Variants in FAM120A observed in about 807,000 individuals in gnomAD.
The protein encoded by FAM120A is family with sequence similarity 120 member A, also known as constitutive coactivator of PPAR-gamma-like protein 1.
In FAM120A, 15 loss-of-function variants were observed where a neutral mutation model predicts 109.7. The ratio of observed to expected loss-of-function variants is 0.14; its 90% CI spans 0.09 to 0.21. The LOEUF is 0.21. FAM120A is among the 10% of genes least tolerant of loss of function. FAM120A has a pLI of 1.00. For synonymous variants in FAM120A, 493 were observed against 572.8 expected (o/e 0.86, Z 1.99); for missense variants, 899 against 1,439.3 (o/e 0.62, Z 6.07).
chr9:93,473,276 G>A (rs1463499382), intron 2 of FAM120A, among the ~76,000 whole-genome samples: 2 of 151,748 alleles, frequency 1.3e-5, no homozygotes, highest in African/African-American at 4.8e-5. Context: ...CTCTGTCTTT[G>A]CTGGGATTAC....
Position 93,452,180 on chromosome 9 carries a change from A to C in FAM120A, c.265A>C (p.Asn89His), listed in dbSNP as rs1857266259. 1.2e-6 allele frequency: 2 copies of C among 1,611,490 alleles called. No individual in the cohort carries two copies. Among genetic ancestry groups the C allele is most frequent in the Non-Finnish European group, 1.7e-6 (2 of 1,179,718 alleles). The change falls in exon 1 of 18, where the codon AAC becomes CAC. Residue 89 changes from asparagine to histidine, a missense_variant. Asn to His is a moderately conservative substitution (Grantham distance 68). Transcript: ENST00000277165. This position sits in a 1 kb window ranked among gnomAD's most constrained non-coding sequence, Gnocchi z 7.0. ...AALAKACFGG[N>H]IELFVFFNGA... ...GCTGGCCAAGGCCTGCTTCGGCGGC[A>C]ACATCGAGCTCTTCGTCTTCTTCAA...
Position 93,545,780 on chromosome 9 carries a change from CTTTTTTT to C in FAM120A, c.2159+2329_2159+2335del, listed in dbSNP as rs774150537. 8.0e-3 allele frequency among the ~76,000 whole-genome samples: 521 copies of C among 65,500 alleles called. 6 individuals carry two copies. The highest frequency in any genetic ancestry group is 0.025 in the African/African-American group (396 of 16,090). The allele number at this position is 65,500 out of a possible 152,430, so 43.0% of individuals were successfully genotyped here. Reference sequence around the variant, plus strand: ...GAAGACTGGCTGATGGGAAAGACTCCTTTTTTTTTTTTTTTTTTTTTTTTTTGAGACG... The same window carrying C: ...GAAGACTGGCTGATGGGAAAGACTCCTTTTTTTTTTTTTTTTTTTGAGACG... On this transcript the variant is annotated intron_variant, in intron 11 of 17. Transcript: ENST00000277165.
chr9:93,469,373 A>AG (rs1449150480), intron 1 of FAM120A, among the ~76,000 whole-genome samples: 2 of 152,212 alleles, frequency 1.3e-5, no homozygotes, highest in African/African-American at 4.8e-5. Context: ...GGAGGAGTGA[A>AG]GGAGGGTGAG....
chr9:93,501,860 CAT>C (rs1399219656), intron 5 of FAM120A, among the ~76,000 whole-genome samples: 1 of 152,090 alleles, frequency 6.6e-6, no homozygotes, highest in African/African-American at 2.4e-5. Context: ...TCTGAAGAAA[CAT>C]AAATTACATT....
intron 5 of FAM120A, among the ~76,000 whole-genome samples, chr9:93,513,323 C>T (rs936809278): frequency 5.3e-5 from 8 of 152,128 alleles, no homozygotes; most frequent in Non-Finnish European, 8.8e-5. Flanking sequence ...CGTGTGTGTG[C>T]GCCATGCATG....
intron 13 of FAM120A, 51 bp from the exon 14 acceptor site, chr9:93,557,776 A>C: frequency 1.3e-6 from 2 of 1,553,496 alleles, no homozygotes; most frequent in Non-Finnish European, 1.7e-6. Flanking sequence ...TTTAAATTCA[A>C]TTAAAACCCC....
intron 8 of FAM120A, among the ~76,000 whole-genome samples, chr9:93,527,904 T>C (rs2131460565): frequency 1.3e-5 from 2 of 152,260 alleles, no homozygotes; most frequent in South Asian, 4.1e-4. Context: ...ATTATAGACG[T>C]GAGCCACCAC....
At chr9:93,546,221 G>A (rs1861885174) in intron 11 of FAM120A, among the ~76,000 whole-genome samples, 1 of 152,106 alleles carries the variant, frequency 6.6e-6, no homozygotes, top group Non-Finnish European at 1.5e-5. Context: ...GATCAAATTA[G>A]CAATAATGAA....
chr9:93,549,852 C>T (rs137921771), intron 11 of FAM120A, among the ~76,000 whole-genome samples: 356 of 152,286 alleles, frequency 2.3e-3, no homozygotes, highest in African/African-American at 8.0e-3. Flanking sequence ...CACTTTTTCA[C>T]GCCCAGACAC....
intron 5 of FAM120A, among the ~76,000 whole-genome samples, chr9:93,513,612 C>T (rs937982619): frequency 6.6e-6 from 1 of 152,118 alleles, no homozygotes. Flanking sequence ...TTTCTTGATG[C>T]GAGCCAGGAT....
At chr9:93,468,855 C>T (rs1398891912) in intron 1 of FAM120A, among the ~76,000 whole-genome samples, 2 of 152,128 alleles carry the variant, frequency 1.3e-5, no homozygotes, top group Non-Finnish European at 2.9e-5. Flanking sequence ...GAACGTTTTA[C>T]AGCTCTTGAA....
At chr9:93,471,071 AT>A in intron 1 of FAM120A, 69 bp from the exon 2 acceptor site, 2 of 1,548,682 alleles carry the variant, frequency 1.3e-6, no homozygotes, top group South Asian at 2.4e-5. Flanking sequence ...CTGTGCAAAC[AT>A]TTCTGCTTAT....
chr9:93,547,331 C>T (rs990813586), intron 11 of FAM120A, among the ~76,000 whole-genome samples: 3 of 152,200 alleles, frequency 2.0e-5, no homozygotes. Context: ...GCATAAGGCT[C>T]CAGAGCAATG....
At chr9:93,468,717 T>C (rs1247238390) in intron 1 of FAM120A, among the ~76,000 whole-genome samples, 1 of 152,244 alleles carries the variant, frequency 6.6e-6, no homozygotes, top group African/African-American at 2.4e-5. Flanking sequence ...GCTGTGTCTA[T>C]CTCCGTAATT....
chr9:93,493,637 C>CT (rs1000492589), intron 3 of FAM120A, among the ~76,000 whole-genome samples: 1 of 152,226 alleles, frequency 6.6e-6, no homozygotes, highest in Non-Finnish European at 1.5e-5. Context: ...TGCCAAGTCT[C>CT]TGAGCGTCCG....
intron 15 of FAM120A, among the ~76,000 whole-genome samples, chr9:93,560,210 G>A (rs1280526902): frequency 1.3e-5 from 2 of 151,980 alleles, no homozygotes; most frequent in African/African-American, 4.8e-5. Flanking sequence ...CGGGAGGATC[G>A]CTAGAGCTGG....
intron 3 of FAM120A, among the ~76,000 whole-genome samples, chr9:93,483,327 TATA>T (rs1858903076): frequency 6.6e-6 from 1 of 151,790 alleles, no homozygotes; most frequent in South Asian, 2.1e-4. Flanking sequence ...CTTTAGAAAA[TATA>T]ATATTAGGGG....
intron 3 of FAM120A, among the ~76,000 whole-genome samples, chr9:93,484,205 G>A (rs745539610): frequency 4.6e-5 from 7 of 152,032 alleles, no homozygotes; most frequent in East Asian, 3.9e-4. Context: ...ACAGGTGTGC[G>A]CCACCACACC....
At chr9:93,492,939 T>G (rs1859393388) in intron 3 of FAM120A, among the ~76,000 whole-genome samples, 1 of 152,192 alleles carries the variant, frequency 6.6e-6, no homozygotes, top group Non-Finnish European at 1.5e-5. Flanking sequence ...CCCAGTTACT[T>G]GTGGTGTCTT....
Sources: allele counts gnomAD v4.1 joint callset (sites outside exome capture counted in the v4.1 genomes callset), GRCh38; gene constraint gnomAD v4.1.1; non-coding constraint Gnocchi (gnomAD v3.1); transcripts MANE v1.5; gene names NCBI Gene and HGNC (gene_info 2026-07-23, HGNC 2026-07-21).